Variants in KIFAP3 observed in about 807,000 individuals in gnomAD.
KIFAP3 encodes kinesin-associated protein 3.
KIFAP3 carries 68 observed loss-of-function variants against 106.5 expected under a neutral mutation model. The ratio of observed to expected loss-of-function variants is 0.64; its 90% confidence interval spans 0.53 to 0.78. The LOEUF (loss-of-function observed/expected upper bound fraction) is 0.78, where lower values mean the gene tolerates loss of function less well. Among genes scored for constraint, KIFAP3 ranks in the 30% least tolerant of loss-of-function variants. KIFAP3 has a pLI of 0.00. For missense variants in KIFAP3, 780 were observed against 941.8 expected (o/e 0.83, Z 2.25); for synonymous variants, 320 against 311.5 (o/e 1.03, Z -0.29).
At chr1:169,943,685 A>G (rs1207661862) in intron 19 of KIFAP3, among the ~76,000 whole-genome samples, 1 of 152,202 alleles carries the variant, frequency 6.6e-6, no homozygotes, top group African/African-American at 2.4e-5. Context: ...TGTCATAAGA[A>G]CCGTCATCCT....
At chr1:170,061,964 G>A (rs1161416569) in intron 1 of KIFAP3, among the ~76,000 whole-genome samples, 2 of 152,092 alleles carry the variant, frequency 1.3e-5, no homozygotes, top group Admixed American at 1.3e-4. Context: ...ATTGAACAAT[G>A]AGAACACTTG....
chr1:170,024,690 C>T (rs2102023802), intron 8 of KIFAP3, 94 bp from the exon 9 acceptor site: 2 of 676,578 alleles, frequency 3.0e-6, no homozygotes, highest in South Asian at 8.2e-5. Flanking sequence ...CAGAGATAGC[C>T]CTAAAAAGGT....
intron 1 of KIFAP3, chr1:170,068,721 A>G (rs1343010448): frequency 6.6e-6 from 1 of 152,064 alleles, no homozygotes; most frequent in African/African-American, 2.4e-5. Context: ...AAGAAGCTCA[A>G]TGAAATTCAA....
At chr1:169,952,408 A>G (rs1421457938) in intron 19 of KIFAP3, among the ~76,000 whole-genome samples, 1 of 150,276 alleles carries the variant, frequency 6.7e-6, no homozygotes, top group African/African-American at 2.4e-5. Context: ...CATTTTAAGA[A>G]ATTTTTGTTT....
chr1:169,980,256 T>A (rs607707), intron 15 of KIFAP3, among the ~76,000 whole-genome samples: 9 of 152,100 alleles, frequency 5.9e-5, no homozygotes, highest in African/African-American at 2.2e-4. Context: ...ATTACATATT[T>A]GAAAAGTCTA....
At chr1:170,022,121 T>C (rs1668871179) in intron 9 of KIFAP3, among the ~76,000 whole-genome samples, 1 of 151,794 alleles carries the variant, frequency 6.6e-6, no homozygotes, top group Non-Finnish European at 1.5e-5. Flanking sequence ...AGCTAATTTT[T>C]GTATTTTTAG....
intron 11 of KIFAP3, among the ~76,000 whole-genome samples, chr1:169,989,156 T>C (rs535763175): frequency 4.1e-4 from 63 of 152,132 alleles, no homozygotes; most frequent in African/African-American, 1.4e-3. Context: ...CAGTTTTAAA[T>C]TGCAATAATA....
chr1:169,994,378 T>A (rs1667269049), intron 10 of KIFAP3, among the ~76,000 whole-genome samples: 1 of 152,184 alleles, frequency 6.6e-6, no homozygotes, highest in Admixed American at 6.5e-5. Flanking sequence ...TAAAACTGTT[T>A]TCTAAGTAAG....
chr1:169,973,105 GTATATA>G (rs1553278126), intron 16 of KIFAP3, among the ~76,000 whole-genome samples: 5 of 90,314 alleles, frequency 5.5e-5, no homozygotes, highest in East Asian at 8.4e-4. Context: ...AAAATAGTGT[GTATATA>G]TATATATATA....
intron 9 of KIFAP3, among the ~76,000 whole-genome samples, chr1:170,021,437 T>G (rs1403727479): frequency 7.6e-6 from 1 of 131,980 alleles, no homozygotes; most frequent in Non-Finnish European, 1.6e-5. Flanking sequence ...TTATTAAGTT[T>G]TTTTTTTTTT....
At chr1:169,926,574 ATATATGTG>A (rs1663142691) in intron 19 of KIFAP3, among the ~76,000 whole-genome samples, 1 of 152,026 alleles carries the variant, frequency 6.6e-6, no homozygotes, top group Admixed American at 6.6e-5. Flanking sequence ...TTGACTGTGT[ATATATGTG>A]TATATATATA....
At chr1:169,993,176 T>G (rs1393841528) in intron 10 of KIFAP3, among the ~76,000 whole-genome samples, 1 of 151,388 alleles carries the variant, frequency 6.6e-6, no homozygotes, top group African/African-American at 2.4e-5. Flanking sequence ...GGCACAATCT[T>G]GGCTCACTGC....
intron 1 of KIFAP3, chr1:170,068,398 A>G (rs1337653849): frequency 2.0e-5 from 3 of 152,144 alleles, no homozygotes; most frequent in Non-Finnish European, 4.4e-5. Context: ...AAACAAAAAC[A>G]CTAGATCTGA....
At chr1:170,011,257 A>T (rs1012338906) in intron 10 of KIFAP3, among the ~76,000 whole-genome samples, 1 of 151,984 alleles carries the variant, frequency 6.6e-6, no homozygotes, top group Non-Finnish European at 1.5e-5. Context: ...AACTTAAAAA[A>T]ATCCATCAGA....
intron 17 of KIFAP3, among the ~76,000 whole-genome samples, chr1:169,971,193 T>C (rs932944955): frequency 2.0e-5 from 3 of 152,058 alleles, no homozygotes; most frequent in Non-Finnish European, 4.4e-5. Context: ...AGATAAAAAG[T>C]ATGCTAAATG....
At chr1:170,016,335 T>C (rs767768207) in intron 10 of KIFAP3, 127 bp downstream of exon 10, 9 of 682,010 alleles carry the variant, frequency 1.3e-5, no homozygotes, top group Non-Finnish European at 2.2e-5. Flanking sequence ...ATTTTTATTA[T>C]TTAGTTTCCA....
At chr1:170,035,662 T>G in intron 5 of KIFAP3, 109 bp from the exon 6 acceptor site, 1 of 602,428 alleles carries the variant, frequency 1.7e-6, no homozygotes, top group Non-Finnish European at 2.8e-6. Context: ...AAGATAGAAC[T>G]GGGACAAAAA....
At chr1:170,010,662 T>C (rs900036887) in intron 10 of KIFAP3, among the ~76,000 whole-genome samples, 1 of 152,066 alleles carries the variant, frequency 6.6e-6, no homozygotes, top group African/African-American at 2.4e-5. Flanking sequence ...AGTTAAATGT[T>C]TCAGGAAACT....
chr1:169,971,994 G>A (rs908965281), intron 17 of KIFAP3, among the ~76,000 whole-genome samples: 6 of 151,956 alleles, frequency 3.9e-5, no homozygotes, highest in Middle Eastern at 3.4e-3. Context: ...TCATCTCTTT[G>A]ATCATATCCC....
Sources: gnomAD v4.1 joint callset for allele counts (sites outside exome capture counted in the v4.1 genomes callset) on GRCh38, gnomAD v4.1.1 for gene constraint, MANE v1.5 for transcripts, NCBI Gene and HGNC (gene_info 2026-07-23, HGNC 2026-07-21) for gene names.